Variants in TPP2 observed in about 807,000 individuals in gnomAD.
TPP2 encodes the protein tripeptidyl-peptidase 2.
TPP2 carries 34 observed loss-of-function variants against 155.9 expected under a neutral mutation model. The ratio of observed to expected loss-of-function variants is 0.22; its 90% confidence interval spans 0.17 to 0.29. The LOEUF (loss-of-function observed/expected upper bound fraction) is 0.29, where lower values mean the gene tolerates loss of function less well. Among genes scored for constraint, TPP2 ranks in the 10% least tolerant of loss-of-function variants. TPP2 has a pLI of 1.00. For synonymous variants in TPP2, 510 were observed against 529.4 expected (o/e 0.96, Z 0.50); for missense variants, 1,028 against 1,522.3 (o/e 0.68, Z 5.40).
rs749216265 is a variant in TPP2 at position 102,640,318 on chromosome 13, T to C, written c.1962T>C (p.Phe654=). ...HYDLAFTDVH[F]KPGQIRRHFI... is the part of the protein sequence containing the mutation. ...ATCTAGCCTTTACAGATGTACACTT[T>C]AAACCTGGTCAAATTCGAAGGCATT... Residue 654 remains phenylalanine (F), a synonymous_variant, in exon 16 of 30, where the codon TTT becomes TTC. Transcript: ENST00000376052. The C allele has an allele frequency of 4.2e-5, 67 of 1,613,590 alleles. No homozygotes were observed. Among genetic ancestry groups the C allele is most frequent in the Admixed American group, 5.0e-5 (3 of 59,992 alleles).
At chr13:102,633,799 T>C (rs1049871506) in intron 10 of TPP2, 151 bp from the exon 11 acceptor site, 3 of 1,142,166 alleles carry the variant, frequency 2.6e-6, no homozygotes, top group South Asian at 1.8e-5. Flanking sequence ...CCCCCATTGA[T>C]TCTTCATAGT....
At chr13:102,602,343 T>C (rs1879494356) in intron 1 of TPP2, among the ~76,000 whole-genome samples, 1 of 152,210 alleles carries the variant, frequency 6.6e-6, no homozygotes, top group South Asian at 2.1e-4. Context: ...TTAAGTTTTA[T>C]AGTTGTATCA....
At chr13:102,632,390 C>T (rs1161002997) in intron 10 of TPP2, among the ~76,000 whole-genome samples, 1 of 151,812 alleles carries the variant, frequency 6.6e-6, no homozygotes, top group Non-Finnish European at 1.5e-5. Flanking sequence ...TACAGGCGCT[C>T]ACCACCACAC....
Position 102,657,072 on chromosome 13 carries a change from A to G in TPP2, c.3008A>G (p.His1003Arg), listed in dbSNP as rs747401155. The change falls in exon 25 of 30, where the codon CAT becomes CGT. Residue 1003 changes from histidine to arginine, a missense_variant. Around this residue, in one of 7 missense-constraint regions of TPP2, gnomAD observed 179 missense variants for 274.7 expected, o/e 0.65. Coordinates refer to ENST00000376052, the MANE Select transcript of TPP2 (RefSeq NM_001330588.2). ...GKFKKDVIPV[H>R]YYLIPPPTKT... Reference sequence around the variant, plus strand: ...CATTCGTAGGATGTAATCCCTGTTCATTACTACTTAATACCTCCACCAACA... The same window carrying G: ...CATTCGTAGGATGTAATCCCTGTTCGTTACTACTTAATACCTCCACCAACA... The G allele has an allele frequency of 1.3e-6, 2 of 1,592,048 alleles. No individual in the cohort carries two copies. Among genetic ancestry groups the G allele is most frequent in the Admixed American group, 1.9e-5 (1 of 53,668 alleles).
At chr13:102,599,748 G>C (rs1159287120) in intron 1 of TPP2, among the ~76,000 whole-genome samples, 3 of 152,164 alleles carry the variant, frequency 2.0e-5, no homozygotes, top group Non-Finnish European at 2.9e-5. Flanking sequence ...GCCTAAGTTT[G>C]TGTTAAATGA....
chr13:102,632,600 A>G (rs1388992027), intron 10 of TPP2, among the ~76,000 whole-genome samples: 1 of 152,186 alleles, frequency 6.6e-6, no homozygotes, highest in African/African-American at 2.4e-5. Flanking sequence ...TTACCACTTT[A>G]ACAAGCTAGT....
intron 5 of TPP2, 28 bp downstream of exon 5, chr13:102,618,874 C>A (rs757302992): frequency 5.1e-6 from 8 of 1,577,860 alleles, no homozygotes; most frequent in Non-Finnish European, 6.9e-6. Context: ...TATACATCTT[C>A]ATTTACAAAT....
At chr13:102,667,550 A>G (rs1004782354) in intron 27 of TPP2, among the ~76,000 whole-genome samples, 2 of 152,250 alleles carry the variant, frequency 1.3e-5, no homozygotes, top group African/African-American at 4.8e-5. Context: ...GTAGAAAGAA[A>G]AGCTGACTTT....
chr13:102,655,610 G>T (rs548799924), intron 24 of TPP2, among the ~76,000 whole-genome samples: 2 of 152,222 alleles, frequency 1.3e-5, no homozygotes, highest in East Asian at 3.9e-4. Flanking sequence ...AATAAATACA[G>T]TTACTCTCCA....
chr13:102,625,399 C>T (rs1340039951), intron 6 of TPP2, among the ~76,000 whole-genome samples: 5 of 151,884 alleles, frequency 3.3e-5, no homozygotes, highest in Admixed American at 6.6e-5. Context: ...CTCCTGACCT[C>T]GTGATCCGCC....
chr13:102,639,359 G>A lies in TPP2; in HGVS notation c.1914-911G>A, dbSNP rs558068858. ...AGATCTCAGCCCATGAGAAACACAG[G>A]ATGAAATTGAGGAGAATAAATTTAA... On this transcript the variant is annotated intron_variant, in intron 15 of 29. Coordinates refer to ENST00000376052, the MANE Select transcript of TPP2 (RefSeq NM_001330588.2). Among the ~76,000 whole-genome samples the A allele has an allele frequency of 2.3e-3, 349 of 152,174 alleles. 1 individual carries two copies. The highest frequency in any genetic ancestry group is 4.1e-3 in the Non-Finnish European group (276 of 68,006).
At chr13:102,620,358 A>G (rs999894333) in intron 5 of TPP2, among the ~76,000 whole-genome samples, 17 of 152,266 alleles carry the variant, frequency 1.1e-4, no homozygotes, top group African/African-American at 3.9e-4. Context: ...ACATTTTATT[A>G]TAATAAATGA....
Position 102,670,757 on chromosome 13 carries a change from A to T in TPP2, c.3372-3526A>T, listed in dbSNP as rs193019817. ...GTGAAGCCAGTTAATATCTCCTAGT[A>T]ATTTCTGATAATCATTTAATGTGTG... On this transcript the variant is annotated intron_variant, in intron 27 of 29. Coordinates refer to ENST00000376052, the MANE Select transcript of TPP2 (RefSeq NM_001330588.2). Among the ~76,000 whole-genome samples, 378 of 152,266 alleles carry T rather than the reference A, an allele frequency of 2.5e-3. 1 individual carries two copies. Among genetic ancestry groups the T allele is most frequent in the African/African-American group, 8.5e-3 (355 of 41,546 alleles).
At chr13:102,632,839 C>T (rs145295335) in intron 10 of TPP2, among the ~76,000 whole-genome samples, 1 of 152,266 alleles carries the variant, frequency 6.6e-6, no homozygotes, top group Non-Finnish European at 1.5e-5. Context: ...TGACACTGTT[C>T]AGGCACTTTT....
chr13:102,643,061 T>G (rs1882872302), intron 16 of TPP2, among the ~76,000 whole-genome samples, 161 bp from the exon 17 acceptor site: 1 of 152,236 alleles, frequency 6.6e-6, no homozygotes, highest in South Asian at 2.1e-4. Context: ...TGTTGATTCT[T>G]TGTTTTTATG....
intron 5 of TPP2, among the ~76,000 whole-genome samples, chr13:102,620,131 G>T (rs922171075): frequency 6.6e-5 from 10 of 152,186 alleles, no homozygotes; most frequent in Non-Finnish European, 1.2e-4. Context: ...AGATTACTTT[G>T]TCTTAGGAAA....
chr13:102,613,998 A>T, intron 2 of TPP2, 103 bp from the exon 3 acceptor site: 1 of 919,666 alleles, frequency 1.1e-6, no homozygotes, highest in Non-Finnish European at 1.6e-6. Flanking sequence ...TATCCAATTT[A>T]AGCTTATTAG....
intron 11 of TPP2, 68 bp downstream of exon 11, chr13:102,634,166 G>C: frequency 6.3e-7 from 1 of 1,593,236 alleles, no homozygotes; most frequent in Non-Finnish European, 8.6e-7. Flanking sequence ...AGCTCTCATG[G>C]TAAGAACATG....
chr13:102,607,385 T>A (rs1402820046), intron 2 of TPP2, among the ~76,000 whole-genome samples: 1 of 152,182 alleles, frequency 6.6e-6, no homozygotes, highest in Non-Finnish European at 1.5e-5. Flanking sequence ...ATGGAGCATT[T>A]CAGATTTTCG....
Sources: gnomAD v4.1 joint callset for allele counts (sites outside exome capture counted in the v4.1 genomes callset) on GRCh38, gnomAD v4.1.1 for gene constraint, gnomAD v4.1.1 regional missense constraint, MANE v1.5 for transcripts, NCBI Gene and HGNC (gene_info 2026-07-23, HGNC 2026-07-21) for gene names.